Variants in EDA observed in about 807,000 individuals in gnomAD.
The protein encoded by EDA is ectodysplasin A, also known as ectodysplasin-A.
Under a neutral mutation model 23.6 loss-of-function variants are expected in EDA, and 2 were observed. The observed-to-expected ratio is 0.08, with a 90% confidence interval of 0.03 to 0.27. The LOEUF is 0.27. EDA is among the 10% of genes least tolerant of loss of function. The pLI is 1.00. For synonymous variants in EDA, 131 were observed against 132.0 expected (o/e 0.99, Z 0.05); for missense variants, 229 against 324.2 (o/e 0.71, Z 2.26).
chrX:69,780,844 C>G (rs1569328406), intron 1 of EDA, among the ~76,000 whole-genome samples: 1 of 110,904 alleles, frequency 9.0e-6, no homozygotes, highest in African/African-American at 3.3e-5. Flanking sequence ...AACTGTGAGT[C>G]AATTAAACCT....
At chrX:70,033,129 A>G in intron 6 of EDA, among the ~76,000 whole-genome samples, 1 of 112,762 alleles carries the variant, frequency 8.9e-6, no homozygotes, top group Non-Finnish European at 1.9e-5. Context: ...GCTAGAAGGT[A>G]TTGGTTAAAG....
At chrX:69,694,055 A>T (rs1351659967) in intron 1 of EDA, among the ~76,000 whole-genome samples, 4 of 112,053 alleles carry the variant, frequency 3.6e-5, no homozygotes, top group Non-Finnish European at 7.5e-5. Context: ...TGGCAATTTA[A>T]AAATAGTCCC....
intron 2 of EDA, among the ~76,000 whole-genome samples, chrX:69,959,759 G>C (rs190943403): frequency 3.9e-5 from 4 of 102,163 alleles, no homozygotes; most frequent in African/African-American, 1.4e-4. Context: ...AACAGGGAGA[G>C]AGAGTGATGG....
At chrX:69,620,890 T>A in intron 1 of EDA, 1 of 382,017 alleles carries the variant, frequency 2.6e-6, no homozygotes, top group Non-Finnish European at 5.2e-6. Flanking sequence ...TCTCTTTCTA[T>A]AACAGGCCTG....
intron 1 of EDA, among the ~76,000 whole-genome samples, chrX:69,812,752 G>A (rs1287900840): frequency 1.8e-5 from 2 of 111,494 alleles, no homozygotes; most frequent in Admixed American, 1.9e-4. Context: ...CCATGTTAAA[G>A]TACTTTGAGA....
chrX:69,640,486 G>A (rs1006636450), intron 1 of EDA, among the ~76,000 whole-genome samples: 5 of 111,090 alleles, frequency 4.5e-5, no homozygotes, highest in African/African-American at 1.6e-4. Context: ...GTCTCTCTTC[G>A]AAATCAGAGG....
At chrX:69,641,962 G>A (rs912839961) in intron 1 of EDA, among the ~76,000 whole-genome samples, 1 of 112,064 alleles carries the variant, frequency 8.9e-6, no homozygotes, top group African/African-American at 3.2e-5. Flanking sequence ...TCATAGGGTG[G>A]TTATGAGAAT....
intron 1 of EDA, among the ~76,000 whole-genome samples, chrX:69,839,838 C>CA (rs2016858394): frequency 8.9e-6 from 1 of 112,058 alleles, no homozygotes; most frequent in Non-Finnish European, 1.9e-5. Context: ...GTCAAGACCT[C>CA]AAAACGATTT....
intron 1 of EDA, among the ~76,000 whole-genome samples, chrX:69,671,704 C>T (rs1420243509): frequency 8.9e-6 from 1 of 111,764 alleles, no homozygotes; most frequent in Non-Finnish European, 1.9e-5. Context: ...GGTTTGTGTG[C>T]TCTATAGGTT....
At chrX:69,700,209 G>A (rs1019587673) in intron 1 of EDA, among the ~76,000 whole-genome samples, 1 of 110,586 alleles carries the variant, frequency 9.0e-6, no homozygotes, top group South Asian at 3.9e-4. Context: ...GAGAGTGGAC[G>A]GTTTTAGGGA....
At chrX:69,792,565 T>C (rs1029696754) in intron 1 of EDA, among the ~76,000 whole-genome samples, 2 of 112,485 alleles carry the variant, frequency 1.8e-5, no homozygotes, top group Non-Finnish European at 3.8e-5. Flanking sequence ...ATAGTGGTTA[T>C]ATGAATTTAC....
intron 1 of EDA, among the ~76,000 whole-genome samples, chrX:69,878,627 GTTC>G (rs1036470490): frequency 4.2e-4 from 46 of 110,547 alleles, no homozygotes; most frequent in African/African-American, 1.5e-3. Flanking sequence ...AGGAAGGACT[GTTC>G]TGCGGGGTGC....
intron 1 of EDA, among the ~76,000 whole-genome samples, chrX:69,811,943 G>A (rs2015968443): frequency 1.8e-5 from 2 of 111,575 alleles, no homozygotes; most frequent in Non-Finnish European, 1.9e-5. Context: ...TTGTCCTGAT[G>A]TGGGACAAAA....
intron 2 of EDA, among the ~76,000 whole-genome samples, chrX:69,971,786 C>T (rs956108177): frequency 1.8e-5 from 2 of 110,856 alleles, no homozygotes; most frequent in African/African-American, 6.6e-5. Flanking sequence ...CCTTCTATCT[C>T]GGTGTGGCAA....
chrX:69,797,496 C>G (rs2804348), intron 1 of EDA, among the ~76,000 whole-genome samples: 33,087 of 110,001 alleles, frequency 0.3, 4,742 homozygotes, highest in Middle Eastern at 0.54. Context: ...CTATACCCAG[C>G]AAAATTGCTG....
intron 1 of EDA, among the ~76,000 whole-genome samples, chrX:69,722,681 G>C (rs1195221957): frequency 3.6e-5 from 4 of 110,997 alleles, no homozygotes; most frequent in Admixed American, 9.6e-5. Context: ...GTTATCACTG[G>C]TTATGTCTAT....
chrX:70,011,496 A>C lies in EDA; in HGVS notation c.503-11722A>C, dbSNP rs767630518. 3.6e-5 allele frequency among the ~76,000 whole-genome samples: 4 copies of C among 110,190 alleles called. No individual in the cohort carries two copies. In the South Asian group the frequency reaches 1.6e-3, roughly 44 times the overall value. On this transcript the variant is annotated intron_variant, in intron 2 of 7. Coordinates refer to ENST00000374552, the MANE Select transcript of EDA (RefSeq NM_001399.5). ...CAGGCATGAGCCACCATGCCTGGCT[A>C]ATTTTTGTATTTTTGGTAGAGACAG...
At chrX:69,660,168 A>T (rs1933440133) in intron 1 of EDA, among the ~76,000 whole-genome samples, 1 of 111,147 alleles carries the variant, frequency 9.0e-6, no homozygotes, top group Admixed American at 9.6e-5. Context: ...GATGAAGTCC[A>T]CATTTCTCTA....
chrX:69,903,020 T>G (rs2018120160), intron 1 of EDA, among the ~76,000 whole-genome samples: 1 of 112,356 alleles, frequency 8.9e-6, no homozygotes, highest in South Asian at 3.7e-4. Context: ...TTTTTTTGTA[T>G]GCACCTAATA....
Sources: gnomAD v4.1 joint callset for allele counts (sites outside exome capture counted in the v4.1 genomes callset) on GRCh38, gnomAD v4.1.1 for gene constraint, MANE v1.5 for transcripts, NCBI Gene and HGNC (gene_info 2026-07-23, HGNC 2026-07-21) for gene names.